PRKCA: variants seen among roughly 807,000 people sequenced by gnomAD.
PRKCA encodes protein kinase C alpha type.
In PRKCA, 27 loss-of-function variants were observed where a neutral mutation model predicts 87.0. That is an observed-to-expected ratio of 0.31 (90% confidence interval 0.23 to 0.43). PRKCA has a LOEUF of 0.43. Among genes scored for constraint, PRKCA ranks in the 20% least tolerant of loss-of-function variants. PRKCA has a pLI of 1.00. For synonymous variants in PRKCA, 329 were observed against 311.1 expected, an observed-to-expected ratio of 1.06 and a Z score of -0.61; for missense variants, 518 against 852.3, an observed-to-expected ratio of 0.61 and a Z score of 4.88.
chr17:66,444,658 A>T (rs1020361211), intron 2 of PRKCA, among the ~76,000 whole-genome samples: 5 of 152,090 alleles, frequency 3.3e-5, no homozygotes, highest in Admixed American at 3.3e-4. Context: ...TTTGAGGCTG[A>T]GGTTCAGTGG....
At chr17:66,331,966 T>C (rs1233020280) in intron 2 of PRKCA, among the ~76,000 whole-genome samples, 1 of 151,970 alleles carries the variant, frequency 6.6e-6, no homozygotes, top group Non-Finnish European at 1.5e-5. Flanking sequence ...GTTAAACCAC[T>C]TTTTTTTACA....
intron 2 of PRKCA, among the ~76,000 whole-genome samples, chr17:66,368,460 G>T (rs1229016840): frequency 7.7e-6 from 1 of 129,392 alleles, no homozygotes; most frequent in African/African-American, 2.9e-5. Context: ...GTGCGATCTC[G>T]ACTCAAGGCA....
At chr17:66,389,367 CG>C (rs1333278568) in intron 2 of PRKCA, among the ~76,000 whole-genome samples, 1 of 152,320 alleles carries the variant, frequency 6.6e-6, no homozygotes, top group East Asian at 1.9e-4. Context: ...AGGAACAGCA[CG>C]CGGGGTTCAG....
chr17:66,409,672 G>A (rs1396768971), intron 2 of PRKCA, among the ~76,000 whole-genome samples: 2 of 152,200 alleles, frequency 1.3e-5, no homozygotes, highest in South Asian at 2.1e-4. Flanking sequence ...GCTCACGCCT[G>A]TAATCCCAGC....
intron 8 of PRKCA, among the ~76,000 whole-genome samples, chr17:66,691,933 G>A (rs1464513881): frequency 3.9e-5 from 6 of 152,190 alleles, no homozygotes; most frequent in Non-Finnish European, 5.9e-5. Flanking sequence ...GTTTTTCTGG[G>A]CAATGAGTTC....
At chr17:66,644,182 A>G (rs1467907180) in intron 4 of PRKCA, among the ~76,000 whole-genome samples, 1 of 152,250 alleles carries the variant, frequency 6.6e-6, no homozygotes, top group Non-Finnish European at 1.5e-5. Context: ...GCCTAATAGC[A>G]TCCACATTTG....
chr17:66,625,759 G>A (rs1396281877), intron 3 of PRKCA, among the ~76,000 whole-genome samples: 1 of 152,194 alleles, frequency 6.6e-6, no homozygotes, highest in Non-Finnish European at 1.5e-5. Context: ...CATTGGTTCA[G>A]CGTCTAGCAC....
intron 2 of PRKCA, among the ~76,000 whole-genome samples, chr17:66,320,375 T>A (rs1180609221): frequency 1.3e-5 from 2 of 151,304 alleles, no homozygotes; most frequent in Non-Finnish European, 2.9e-5. Context: ...TCCAATACTC[T>A]ATTTTTTTTT....
rs551135003 is a variant in PRKCA, at chr17:66,363,847, C to T, written c.205+57720C>T. ...CCTCCCGAGTACCTGGGACTACAGG[C>T]GCGTGCCACCATGCCTGGCTAATTT... is the stretch of plus-strand genomic sequence containing the variant. On this transcript the variant is annotated intron_variant, in intron 2 of 16. Transcript: ENST00000413366. Among the ~76,000 whole-genome samples, 22 of 152,258 alleles carry T rather than the reference C, an allele frequency of 1.4e-4. No individual in the cohort carries two copies. In the South Asian group the frequency reaches 2.5e-3, roughly 17 times the overall value.
At chr17:66,497,020 G>T (rs1022305294) in intron 3 of PRKCA, among the ~76,000 whole-genome samples, 2 of 152,144 alleles carry the variant, frequency 1.3e-5, no homozygotes, top group African/African-American at 4.8e-5. Flanking sequence ...AACTGCTCCT[G>T]GTTTACTCCA....
At chr17:66,645,142 G>A (rs996079105) in intron 4 of PRKCA, among the ~76,000 whole-genome samples, 1 of 152,208 alleles carries the variant, frequency 6.6e-6, no homozygotes, top group African/African-American at 2.4e-5. Context: ...CCCAAGCTGG[G>A]ATATTTTGCT....
At chr17:66,487,192 C>CT (rs1169500719) in intron 2 of PRKCA, among the ~76,000 whole-genome samples, 3 of 152,200 alleles carry the variant, frequency 2.0e-5, no homozygotes, top group Admixed American at 6.5e-5. Flanking sequence ...CCTTTCTCCT[C>CT]TTTTTTCTTC....
chr17:66,320,511 G>A (rs1310651170), intron 2 of PRKCA, among the ~76,000 whole-genome samples: 1 of 152,004 alleles, frequency 6.6e-6, no homozygotes. Context: ...GTTTTACCAG[G>A]TAAATAAGGA....
intron 1 of PRKCA, among the ~76,000 whole-genome samples, chr17:66,303,866 G>A (rs1033321786): frequency 4.1e-4 from 62 of 152,272 alleles, no homozygotes; most frequent in African/African-American, 1.4e-3. Context: ...CGGGCGTGGT[G>A]GCACACGCCT....
chr17:66,320,983 C>T (rs1905620275), intron 2 of PRKCA, among the ~76,000 whole-genome samples: 1 of 152,082 alleles, frequency 6.6e-6, no homozygotes, highest in Non-Finnish European at 1.5e-5. Flanking sequence ...CTGAGTGGTA[C>T]AAGCCAAATA....
At chr17:66,794,251 A>G (rs1051438515) in intron 16 of PRKCA, among the ~76,000 whole-genome samples, 94 of 152,344 alleles carry the variant, frequency 6.2e-4, no homozygotes, top group African/African-American at 2.2e-3. Flanking sequence ...AAAGGCAGAA[A>G]AATAGAACTT....
chr17:66,541,331 C>T (rs1375302408), intron 3 of PRKCA, among the ~76,000 whole-genome samples: 2 of 152,166 alleles, frequency 1.3e-5, no homozygotes, highest in Admixed American at 1.3e-4. Context: ...ACTCTTGCCT[C>T]TGGTGTTCTT....
intron 5 of PRKCA, among the ~76,000 whole-genome samples, chr17:66,675,599 G>A (rs1328968648): frequency 1.3e-5 from 2 of 152,146 alleles, no homozygotes; most frequent in East Asian, 1.9e-4. Context: ...CATCAAAACT[G>A]CAGTGTTGTA....
In PRKCA at chr17:66,512,359, T is replaced by G. The variant is rs140682716; in HGVS notation, c.288+16076T>G. Among the ~76,000 whole-genome samples, 1,144 of 152,090 alleles carry G rather than the reference T, an allele frequency of 7.5e-3. 18 individuals carry two copies. Among genetic ancestry groups the G allele is most frequent in the African/African-American group, 0.026 (1,099 of 41,476 alleles). ...CAGGTGGCTGAGGCAGGAGAATTGC[T>G]TGAACCTGGGAGGCGGATGTTGCAG... is the stretch of plus-strand genomic sequence containing the variant. On this transcript the variant is annotated intron_variant, in intron 3 of 16. Coordinates refer to ENST00000413366, the MANE Select transcript of PRKCA (RefSeq NM_002737.3).
Sources: allele counts gnomAD v4.1 joint callset (sites outside exome capture counted in the v4.1 genomes callset), GRCh38; gene constraint gnomAD v4.1.1; transcripts MANE v1.5; gene names NCBI Gene and HGNC (gene_info 2026-07-23, HGNC 2026-07-21).